VPS13C: variants seen among roughly 807,000 people sequenced by gnomAD.
VPS13C encodes intermembrane lipid transfer protein VPS13C.
VPS13C carries 358 observed loss-of-function variants against 456.8 expected under a neutral mutation model. The ratio of observed to expected loss-of-function variants is 0.78; its 90% CI spans 0.72 to 0.86. The LOEUF is 0.86. Among genes scored for constraint, VPS13C ranks in the 40% least tolerant of loss-of-function variants. The pLI is 0.00. For synonymous variants in VPS13C, 1,578 were observed against 1,486.7 expected, an observed-to-expected ratio of 1.06 and a Z score of -1.41; for missense variants, 4,818 against 4,385.4, an observed-to-expected ratio of 1.10 and a Z score of -2.79.
chr15:61,972,339 C>T (rs559210511), intron 27 of VPS13C, among the ~76,000 whole-genome samples: 1 of 152,190 alleles, frequency 6.6e-6, no homozygotes, highest in East Asian at 1.9e-4. Flanking sequence ...AAATTTTCTG[C>T]AGAAAAGTAA....
At chr15:61,975,700 A>C (rs1596407681) in intron 24 of VPS13C, among the ~76,000 whole-genome samples, 1 of 152,104 alleles carries the variant, frequency 6.6e-6, no homozygotes, top group Admixed American at 6.6e-5. Context: ...CTAGCATTTT[A>C]GGAAGAAATA....
chr15:62,007,707 C>T (rs1441904915), intron 14 of VPS13C, among the ~76,000 whole-genome samples: 1 of 152,168 alleles, frequency 6.6e-6, no homozygotes. Flanking sequence ...AGGCACAAAA[C>T]GACATGTGGG....
intron 66 of VPS13C, among the ~76,000 whole-genome samples, chr15:61,903,279 T>G (rs1318804239): frequency 1.3e-5 from 2 of 151,244 alleles, no homozygotes; most frequent in Admixed American, 6.6e-5. Context: ...GAGGCTGGAG[T>G]GAACCATGAT....
At chr15:61,865,811 T>C (rs976343825) in intron 81 of VPS13C, 5 of 848,868 alleles carry the variant, frequency 5.9e-6, no homozygotes, top group Non-Finnish European at 7.1e-6. Flanking sequence ...TGTATATATA[T>C]ATGAAGATTA....
intron 4 of VPS13C, 58 bp from the exon 5 acceptor site, chr15:62,033,600 G>A: frequency 1.6e-6 from 2 of 1,276,298 alleles, no homozygotes; most frequent in Admixed American, 2.4e-5. Context: ...TAAACAAACG[G>A]AAAAAGTTCA....
intron 9 of VPS13C, among the ~76,000 whole-genome samples, chr15:62,018,082 C>T (rs1474632494): frequency 6.6e-6 from 1 of 152,094 alleles, no homozygotes; most frequent in African/African-American, 2.4e-5. Flanking sequence ...ATTTGGCTCT[C>T]CGTTTGTCTG....
intron 66 of VPS13C, among the ~76,000 whole-genome samples, chr15:61,899,877 A>G (rs1489899075): frequency 6.6e-6 from 1 of 152,002 alleles, no homozygotes; most frequent in Non-Finnish European, 1.5e-5. Flanking sequence ...AATACTGGCA[A>G]AACGAATCCA....
intron 47 of VPS13C, among the ~76,000 whole-genome samples, chr15:61,938,708 T>C (rs1567025660): frequency 6.6e-6 from 1 of 152,218 alleles, no homozygotes; most frequent in African/African-American, 2.4e-5. Flanking sequence ...TCTTCCCCTG[T>C]GAATCTACCA....
chr15:62,020,560 C>T (rs773570968), intron 8 of VPS13C, 22 bp from the exon 9 acceptor site: 1 of 1,608,646 alleles, frequency 6.2e-7, no homozygotes, highest in African/African-American at 1.3e-5. Context: ...GAAAAGATAA[C>T]AGTAAAATAT....
Position 61,922,624 on chromosome 15 carries a change from A to G in VPS13C, c.6748T>C (p.Trp2250Arg). The change falls in exon 54 of 85, where the codon TGG becomes CGG. Residue 2250 changes from tryptophan (W) to arginine (R), a missense_variant. By Grantham distance (101) the Trp-to-Arg change is moderately radical (BLOSUM62 -3). Around this residue, in one of 3 missense-constraint regions of VPS13C, gnomAD observed 4,552 missense variants for 4,130.6 expected, o/e 1.10. Coordinates refer to ENST00000644861, the MANE Select transcript of VPS13C (RefSeq NM_020821.3). ...GTTGCCGTGTCAACACCAAGAAACC[A>G]AGTGTTATAATCATTAATCGATTTG... is the stretch of plus-strand genomic sequence containing the variant. ...GIKSINDYNT[W>R]FLGVDTATEI... is the part of the protein sequence containing the mutation. The G allele has an allele frequency of 1.2e-6, 2 of 1,614,084 alleles. No homozygotes were observed. Among genetic ancestry groups the G allele is most frequent in the Non-Finnish European group, 1.7e-6 (2 of 1,179,958 alleles).
chr15:61,894,061 T>G (rs1220324175), intron 66 of VPS13C, among the ~76,000 whole-genome samples: 1 of 152,098 alleles, frequency 6.6e-6, no homozygotes, highest in East Asian at 1.9e-4. Flanking sequence ...ATCCTAGCAC[T>G]TTGGGAGGCC....
At chr15:61,996,224 G>T (rs1422292448) in intron 16 of VPS13C, among the ~76,000 whole-genome samples, 1 of 152,120 alleles carries the variant, frequency 6.6e-6, no homozygotes, top group South Asian at 2.1e-4. Flanking sequence ...AACCACCCAC[G>T]CAAGTCTCAA....
chr15:61,946,112 T>A (rs928616767), intron 44 of VPS13C, among the ~76,000 whole-genome samples, 195 bp downstream of exon 44: 2 of 152,088 alleles, frequency 1.3e-5, no homozygotes, highest in South Asian at 4.1e-4. Flanking sequence ...AGAAATAACT[T>A]TTACAAATCA....
At chr15:61,996,010 T>C (rs116506228) in intron 16 of VPS13C, among the ~76,000 whole-genome samples, 3,240 of 152,290 alleles carry the variant, frequency 0.021, 67 homozygotes, top group South Asian at 0.072. Flanking sequence ...AAAAACTCCG[T>C]ATTTCCGGCC....
Position 61,983,847 on chromosome 15 carries a change from G to A in VPS13C, c.1887C>T (p.Ser629=), listed in dbSNP as rs2045956906. 1.9e-6 allele frequency: 3 copies of A among 1,614,050 alleles called. No homozygotes were observed. Among genetic ancestry groups the A allele is most frequent in the Non-Finnish European group, 2.5e-6 (3 of 1,179,956 alleles). Reference sequence around the variant, plus strand: ...CATCATAGATGACCTCCACAGGCTGGGACTGAACAATCAGAGTCTGGTCAG... The same window carrying A: ...CATCATAGATGACCTCCACAGGCTGAGACTGAACAATCAGAGTCTGGTCAG... ...SPADQTLIVQ[S]QPVEVIYDAK... is the part of the protein sequence containing the mutation. Residue 629 remains serine (S), a synonymous_variant, in exon 20 of 85, where the codon TCC becomes TCT. Transcript: ENST00000644861.
intron 60 of VPS13C, among the ~76,000 whole-genome samples, chr15:61,916,725 A>C (rs2043483152): frequency 6.6e-6 from 1 of 152,122 alleles, no homozygotes; most frequent in South Asian, 2.1e-4. Flanking sequence ...GAAATTTTAA[A>C]ATATTTATCA....
intron 10 of VPS13C, among the ~76,000 whole-genome samples, chr15:62,013,644 G>C (rs1053256799): frequency 1.3e-5 from 2 of 151,928 alleles, no homozygotes; most frequent in African/African-American, 4.8e-5. Flanking sequence ...AATCTTACTT[G>C]ATCAGAGAAT....
Position 61,936,662 on chromosome 15 carries a change from TGTG to T in VPS13C, c.5687_5689del (p.Thr1896_Gln1897delinsLys). 6.2e-7 allele frequency: 1 copy of T among 1,612,372 alleles called. No individual in the cohort carries two copies. Among genetic ancestry groups the T allele is most frequent in the Non-Finnish European group, 8.5e-7 (1 of 1,179,350 alleles). On this transcript the variant is annotated inframe_deletion, in exon 48 of 85. Coordinates refer to ENST00000644861, the MANE Select transcript of VPS13C (RefSeq NM_020821.3). The stretch of plus-strand genomic sequence containing the variant: ...CACTCTTACAGTCTCCTGCACAGAC[TGTG>T]TAGGGCTTGGTTGTGAGGAAGCTTC...
intron 20 of VPS13C, among the ~76,000 whole-genome samples, chr15:61,982,781 G>A (rs2045926820): frequency 6.6e-6 from 1 of 152,174 alleles, no homozygotes; most frequent in Non-Finnish European, 1.5e-5. Context: ...CAACAAATGT[G>A]CACATATCAT....
Sources: allele counts gnomAD v4.1 joint callset (sites outside exome capture counted in the v4.1 genomes callset), GRCh38; gene constraint gnomAD v4.1.1; regional missense constraint gnomAD v4.1.1; transcripts MANE v1.5; gene names NCBI Gene and HGNC (gene_info 2026-07-23, HGNC 2026-07-21).